Variants in TTC14 observed in about 807,000 individuals in gnomAD.
The protein encoded by TTC14 is tetratricopeptide repeat domain 14.
A neutral mutation model predicts 79.9 loss-of-function variants in TTC14; 63 were observed. That is an observed-to-expected ratio of 0.79 (90% CI 0.64 to 0.97). The LOEUF is 0.97. Ranked by LOEUF, TTC14 falls within the 50% of genes least tolerant of loss-of-function variation. The probability of loss-of-function intolerance (pLI) is 0.00; values close to 1 mark genes in which losing one functional copy is unlikely to be tolerated. For missense variants in TTC14, 895 were observed against 894.0 expected (o/e 1.00, Z -0.01); for synonymous variants, 335 against 309.6 (o/e 1.08, Z -0.86).
chr3:180,603,753 G>T, intron 3 of TTC14: 1 of 228,434 alleles, frequency 4.4e-6, no homozygotes, highest in East Asian at 1.2e-4. Context: ...ATTATATTAA[G>T]ATACTTTGCC....
intron 3 of TTC14, 26 bp downstream of exon 3, chr3:180,603,349 G>T: frequency 1.3e-6 from 2 of 1,599,128 alleles, no homozygotes; most frequent in Non-Finnish European, 1.7e-6. Flanking sequence ...TACTTGGATT[G>T]CTTCTGTTTT....
downstream of TTC14, chr3:180,615,181 CA>C: frequency 2.6e-6 from 2 of 757,946 alleles, no homozygotes; most frequent in Non-Finnish European, 4.1e-6. Flanking sequence ...GTAAAGACAT[CA>C]AAAAAGTACA....
At chr3:180,602,696 A>G (rs1340726181) in intron 1 of TTC14, 195 bp from the exon 2 acceptor site, 3 of 735,104 alleles carry the variant, frequency 4.1e-6, no homozygotes, top group Non-Finnish European at 6.4e-6. Context: ...TGGAGGCGTC[A>G]CTTTTTAAGT....
chr3:180,605,302 A>AG (rs1448224068), intron 6 of TTC14: 3 of 217,272 alleles, frequency 1.4e-5, no homozygotes, highest in African/African-American at 6.9e-5. Flanking sequence ...TTTGAGTCGG[A>AG]GTCTCACTGT....
At chr3:180,617,095 G>T in intron 12 of TTC14, 1 of 585,436 alleles carries the variant, frequency 1.7e-6, no homozygotes, top group Non-Finnish European at 2.9e-6. Flanking sequence ...TTCTGTTGAT[G>T]TACCTCTTAA....
In TTC14 at chr3:180,603,167, A is replaced by G. The variant is rs780332056; in HGVS notation, c.330A>G (p.Ile110Met). 6.2e-7 allele frequency: 1 copy of G among 1,614,032 alleles called. No individual in the cohort carries two copies. The highest frequency in any genetic ancestry group is 1.7e-5 in the Admixed American group (1 of 60,000). The change falls in exon 3 of 12, where the codon ATA becomes ATG. Residue 110 changes from isoleucine to methionine, a missense_variant. Coordinates refer to ENST00000296015, the MANE Select transcript of TTC14 (RefSeq NM_133462.4). Reference sequence around the variant, plus strand: ...CACCTTTAGAGCAATTCATGGAGATACCTAGTATGGATCGGAGAGAGCTGT... The same window carrying G: ...CACCTTTAGAGCAATTCATGGAGATGCCTAGTATGGATCGGAGAGAGCTGT... The part of the protein sequence containing the change: ...IMPPLEQFME[I>M]PSMDRRELFF...
chr3:180,609,242 TCCCACCCGCACC>T, intron 11 of TTC14: 2 of 606,928 alleles, frequency 3.3e-6, no homozygotes, highest in Non-Finnish European at 4.2e-6. Context: ...ACAGGTCAGC[TCCCACCCGCACC>T]CCCACCCCCT....
rs112551592 is a variant in TTC14, at chr3:180,606,487, G to C, written c.1056G>C (p.Ala352=). 2 of 1,613,720 alleles carry C rather than the reference G, an allele frequency of 1.2e-6. No individual in the cohort carries two copies. The highest frequency in any genetic ancestry group is 3.3e-5 in the Admixed American group (2 of 59,976). ...EALVARGALY[A]TKGSLNKAIE... ...CTTTGTTTCATGTCTCTAGATATGCGACAAAAGGAAGTTTGAACAAAGCAA... is the reference window on the plus strand; with the variant it reads ...CTTTGTTTCATGTCTCTAGATATGCCACAAAAGGAAGTTTGAACAAAGCAA... Residue 352 remains alanine (A), a synonymous_variant, in exon 9 of 12, where the codon GCG becomes GCC. Coordinates refer to ENST00000296015, the MANE Select transcript of TTC14 (RefSeq NM_133462.4).
intron 11 of TTC14, 51 bp downstream of exon 11, chr3:180,608,861 A>G (rs1208982902): frequency 7.3e-7 from 1 of 1,372,752 alleles, no homozygotes; most frequent in Non-Finnish European, 9.4e-7. Flanking sequence ...ACTGAATTGA[A>G]CCCAAAGTGC....
intron 12 of TTC14, chr3:180,616,721 T>A (rs1400993016): frequency 6.3e-7 from 1 of 1,574,898 alleles, no homozygotes; most frequent in South Asian, 1.2e-5. Context: ...AGTCAATTAT[T>A]CTATAAACGT....
chr3:180,603,109 A>AT lies in TTC14; in HGVS notation c.287-3dup, dbSNP rs557781816. 16,884 of 1,039,566 alleles carry AT rather than the reference A, an allele frequency of 0.016. 70 individuals carry two copies. Among genetic ancestry groups the AT allele is most frequent in the African/African-American group, 0.066 (4,138 of 62,598 alleles). 64.4% of individuals were successfully genotyped at this position (1,039,566 alleles called of 1,614,324 possible). The stretch of plus-strand genomic sequence containing the variant: ...AAAACTATCGTTAGTGATTTTGTTA[A>AT]TTTTTTTTTTTTAGATCATTATGCA... On this transcript the variant is annotated splice_polypyrimidine_tract_variant and intron_variant, in intron 2 of 11. Transcript: ENST00000296015.
At position 180,602,217 on chromosome 3, in the gene TTC14, G is replaced by A. The variant is rs1421797585; in HGVS notation, c.-45G>A. 1.2e-6 allele frequency: 2 copies of A among 1,606,486 alleles called. No homozygotes were observed. Among genetic ancestry groups the A allele is most frequent in the East Asian group, 2.2e-5 (1 of 44,866 alleles). ...CGGCTCAAGTAGCGGACACGGAACA[G>A]GGAACTATCAGCCCGTCGGCCTCCG... On this transcript the variant is annotated 5_prime_UTR_variant, in exon 1 of 12. Transcript: ENST00000296015.
chr3:180,612,272 T>TTAA (rs1444910668), downstream of TTC14, among the ~76,000 whole-genome samples: 3 of 152,182 alleles, frequency 2.0e-5, no homozygotes, highest in Non-Finnish European at 4.4e-5. Context: ...TTTTTTTTCC[T>TTAA]TAATTAATTC....
downstream of TTC14, chr3:180,614,719 C>T: frequency 2.0e-6 from 1 of 492,176 alleles, no homozygotes; most frequent in South Asian, 3.1e-5. Flanking sequence ...GTAGCCTTGT[C>T]AAGAATCTGC....
chr3:180,603,691 G>A, intron 3 of TTC14: 1 of 247,532 alleles, frequency 4.0e-6, no homozygotes, highest in Non-Finnish European at 7.9e-6. Flanking sequence ...GGATAATTTG[G>A]AGAGAAGTTT....
chr3:180,603,036 T>C (rs775339232), intron 2 of TTC14, 21 bp downstream of exon 2: 1 of 1,610,122 alleles, frequency 6.2e-7, no homozygotes, highest in Non-Finnish European at 8.5e-7. Context: ...CCTTAAAATC[T>C]TTAAGATTGC....
chr3:180,611,312 G>A (rs1329858831), downstream of TTC14, among the ~76,000 whole-genome samples: 2 of 152,068 alleles, frequency 1.3e-5, no homozygotes, highest in East Asian at 3.9e-4. Flanking sequence ...AATCAGAAAA[G>A]AAAAAAATCC....
In TTC14 at chr3:180,610,495, C is replaced by A. The variant is rs575959440; in HGVS notation, c.2266C>A (p.Gln756Lys). The change falls in exon 12 of 12, where the codon CAG (glutamine) becomes AAG (lysine). Residue 756 changes from glutamine to lysine, a missense_variant. By Grantham distance (53) the Gln-to-Lys change is moderately conservative. Coordinates refer to ENST00000296015, the MANE Select transcript of TTC14 (RefSeq NM_133462.4). ...LPQNLLNIFN[Q>K]IAEFEKEKGN... ...TCAGAATTTACTGAATATATTTAATCAGATAGCTGAATTTGAAAAAGAAAA... is the reference window on the plus strand; with the variant it reads ...TCAGAATTTACTGAATATATTTAATAAGATAGCTGAATTTGAAAAAGAAAA... The A allele has an allele frequency of 1.3e-6, 2 of 1,586,656 alleles. No individual in the cohort carries two copies. The highest frequency in any genetic ancestry group is 2.3e-5 in the South Asian group (2 of 85,450).
rs1560072920 is a variant in TTC14, at chr3:180,606,241, T to C, written c.930-12T>C. ...TGAAGTGTTTGTGATGCTTTACAAA[T>C]GTCTTTTTTAGTGTGAAGATCGGAG... is the stretch of plus-strand genomic sequence containing the variant. On this transcript the variant is annotated splice_polypyrimidine_tract_variant and intron_variant, in intron 7 of 11. Transcript: ENST00000296015. 1.2e-6 allele frequency: 2 copies of C among 1,613,108 alleles called. No individual in the cohort carries two copies. Among genetic ancestry groups the C allele is most frequent in the Non-Finnish European group, 1.7e-6 (2 of 1,179,720 alleles).
Sources: gnomAD v4.1 joint callset for allele counts (sites outside exome capture counted in the v4.1 genomes callset) on GRCh38, gnomAD v4.1.1 for gene constraint, MANE v1.5 for transcripts, NCBI Gene and HGNC (gene_info 2026-07-23, HGNC 2026-07-21) for gene names.